Variants in CACNA1C observed in about 807,000 individuals in gnomAD.
CACNA1C encodes voltage-dependent L-type calcium channel subunit alpha-1C.
CACNA1C carries 30 observed loss-of-function variants against 229.0 expected under a neutral mutation model. The ratio of observed to expected loss-of-function variants is 0.13; its 90% confidence interval spans 0.10 to 0.18. CACNA1C has a LOEUF of 0.18. Ranked by LOEUF, CACNA1C falls within the 10% of genes least tolerant of loss-of-function variation. The pLI is 1.00. For missense variants in CACNA1C, 1,658 were observed against 2,845.0 expected (o/e 0.58, Z 9.49); for synonymous variants, 1,114 against 1,132.5 (o/e 0.98, Z 0.33).
intron 3 of CACNA1C, among the ~76,000 whole-genome samples, chr12:2,312,903 A>G (rs765253929): frequency 6.6e-6 from 1 of 152,186 alleles, no homozygotes; most frequent in Non-Finnish European, 1.5e-5. Context: ...GAAATTTACT[A>G]GAAATCTTAT....
intron 8 of CACNA1C, among the ~76,000 whole-genome samples, chr12:2,510,442 C>T (rs1159689756): frequency 6.6e-6 from 1 of 152,168 alleles, no homozygotes. Flanking sequence ...CACATCCTTC[C>T]TCTATGAGGA....
intron 1 of CACNA1C, among the ~76,000 whole-genome samples, chr12:2,114,699 T>C (rs1449184778): frequency 6.6e-6 from 1 of 152,220 alleles, no homozygotes; most frequent in African/African-American, 2.4e-5. Flanking sequence ...GAGTGAATCA[T>C]ACTCCAGTTC....
intron 3 of CACNA1C, among the ~76,000 whole-genome samples, chr12:2,363,425 A>C (rs2097624125): frequency 6.6e-6 from 1 of 152,226 alleles, no homozygotes; most frequent in South Asian, 2.1e-4. Flanking sequence ...AGTCCACTCC[A>C]AATAAGTTAC....
chr12:2,455,035 C>G (rs180827216), intron 4 of CACNA1C, among the ~76,000 whole-genome samples: 1 of 152,044 alleles, frequency 6.6e-6, no homozygotes, highest in Non-Finnish European at 1.5e-5. Context: ...TGCCCCTGCA[C>G]GGGTGGCACC....
intron 1 of CACNA1C, among the ~76,000 whole-genome samples, chr12:2,034,000 G>A (rs1043799911): frequency 7.2e-5 from 11 of 152,168 alleles, no homozygotes; most frequent in Non-Finnish European, 1.0e-4. Flanking sequence ...GCAAAGATTC[G>A]TAGAGAGGGG....
chr12:2,169,714 G>T (rs2096397535), intron 3 of CACNA1C, among the ~76,000 whole-genome samples: 1 of 152,198 alleles, frequency 6.6e-6, no homozygotes, highest in Admixed American at 6.5e-5. Context: ...AGGCCTATGT[G>T]TGGACTCTGC....
At position 2,256,329 on chromosome 12, in the gene CACNA1C, T is replaced by G. The variant is rs574979136; in HGVS notation, c.477+135899T>G. On this transcript the variant is annotated intron_variant, in intron 3 of 46. Transcript: ENST00000399655. ...AGTCACCTTGGGCACATTGGTGTCT[T>G]AAAAATGACTTAAACACATAATTGG... 5.9e-5 allele frequency among the ~76,000 whole-genome samples: 9 copies of G among 152,322 alleles called. No individual in the cohort carries two copies. In the South Asian group the frequency reaches 1.5e-3, roughly 25 times the overall value.
chr12:2,667,858 GC>G (rs1055631416), intron 37 of CACNA1C, among the ~76,000 whole-genome samples: 1 of 152,144 alleles, frequency 6.6e-6, no homozygotes, highest in Admixed American at 6.5e-5. Flanking sequence ...CTGACAAATA[GC>G]CCCCCTTGAG....
intron 3 of CACNA1C, among the ~76,000 whole-genome samples, chr12:2,268,492 A>T (rs1273499189): frequency 1.3e-5 from 2 of 152,228 alleles, no homozygotes; most frequent in Non-Finnish European, 2.9e-5. Context: ...TTGAAAAGCA[A>T]ATGCTCCTGG....
intron 3 of CACNA1C, among the ~76,000 whole-genome samples, chr12:2,439,445 G>A (rs557097898): frequency 6.6e-6 from 1 of 152,332 alleles, no homozygotes; most frequent in East Asian, 1.9e-4. Flanking sequence ...CTGCCTGTGA[G>A]AGGTCAGCAC....
chr12:2,191,166 TG>T (rs1333562578), intron 3 of CACNA1C, among the ~76,000 whole-genome samples: 1 of 151,834 alleles, frequency 6.6e-6, no homozygotes, highest in African/African-American at 2.4e-5. Flanking sequence ...CAGGGAGATG[TG>T]GGGTGTGGGG....
intron 20 of CACNA1C, chr12:2,596,221 T>A: frequency 2.2e-6 from 1 of 451,712 alleles, no homozygotes; most frequent in South Asian, 5.4e-5. Context: ...CAGGCTGGTT[T>A]GATAATTGGC....
intron 3 of CACNA1C, among the ~76,000 whole-genome samples, chr12:2,322,804 TC>T (rs748633317): frequency 5.9e-5 from 9 of 152,234 alleles, no homozygotes; most frequent in Admixed American, 4.6e-4. Context: ...TGAGCATCTG[TC>T]TCACGAGGTT....
At chr12:2,139,514 C>T (rs2093922227) in intron 3 of CACNA1C, among the ~76,000 whole-genome samples, 1 of 151,270 alleles carries the variant, frequency 6.6e-6, no homozygotes, top group Admixed American at 6.7e-5. Context: ...TTGCGCATGT[C>T]TGTGAGGGCC....
chr12:2,180,044 C>A lies in CACNA1C; in HGVS notation c.477+59614C>A, dbSNP rs112625339. 2.6e-5 allele frequency among the ~76,000 whole-genome samples: 4 copies of A among 152,348 alleles called. 1 individual carries two copies. Among genetic ancestry groups the A allele is most frequent in the African/African-American group, 9.6e-5 (4 of 41,590 alleles). ...GCAGGCCCTCCAACTGCCTCCTGAG[C>A]AGCCTCACTCAGGTCTTTGCTCATA... is the stretch of plus-strand genomic sequence containing the variant. On this transcript the variant is annotated intron_variant, in intron 3 of 46. Transcript: ENST00000399655.
rs537795022 is a variant in CACNA1C at position 2,534,884 on chromosome 12, A to G, written c.1391-15059A>G. Among the ~76,000 whole-genome samples, 352 of 152,264 alleles carry G rather than the reference A, an allele frequency of 2.3e-3. 1 individual carries two copies. The highest frequency in any genetic ancestry group is 8.0e-3 in the African/African-American group (332 of 41,522). On this transcript the variant is annotated intron_variant, in intron 9 of 46. Coordinates refer to ENST00000399655, the MANE Select transcript of CACNA1C (RefSeq NM_000719.7). ...TCCATTTTTTCTTCTACTGTTCTCT[A>G]TAAGTGACACAACATGACTTACTGG...
chr12:2,478,549 ACC>A (rs2099643266), intron 5 of CACNA1C, among the ~76,000 whole-genome samples: 1 of 152,194 alleles, frequency 6.6e-6, no homozygotes, highest in African/African-American at 2.4e-5. Context: ...CGCTTCTAAG[ACC>A]ACACTTCAAA....
chr12:2,089,506 G>A (rs1252502565), intron 1 of CACNA1C, among the ~76,000 whole-genome samples: 2 of 152,160 alleles, frequency 1.3e-5, no homozygotes, highest in Non-Finnish European at 2.9e-5. Flanking sequence ...AATAAAACAG[G>A]TTGTGATGAA....
chr12:2,461,788 A>G (rs1428120117), intron 5 of CACNA1C, among the ~76,000 whole-genome samples: 1 of 152,092 alleles, frequency 6.6e-6, no homozygotes, highest in Non-Finnish European at 1.5e-5. Flanking sequence ...TTACCTTCCA[A>G]ACATGTCAAG....
Sources: allele counts gnomAD v4.1 joint callset (sites outside exome capture counted in the v4.1 genomes callset), GRCh38; gene constraint gnomAD v4.1.1; transcripts MANE v1.5; gene names NCBI Gene and HGNC (gene_info 2026-07-23, HGNC 2026-07-21).